VIT: variants seen among roughly 807,000 people sequenced by gnomAD.
The protein encoded by VIT is vitrin.
In VIT, 99 loss-of-function variants were observed where a neutral mutation model predicts 78.0. The ratio of observed to expected loss-of-function variants is 1.27; its 90% CI spans 1.08 to 1.50. VIT has a LOEUF of 1.50. Ranked by LOEUF, VIT falls within the 40% of genes most tolerant of loss-of-function variation. The probability of loss-of-function intolerance (pLI) is 0.00; values close to 1 mark genes in which losing one functional copy is unlikely to be tolerated. For synonymous variants in VIT, 374 were observed against 334.3 expected, an observed-to-expected ratio of 1.12 and a Z score of -1.29; for missense variants, 1,126 against 875.3, an observed-to-expected ratio of 1.29 and a Z score of -3.61.
intron 14 of VIT, among the ~76,000 whole-genome samples, chr2:36,807,914 G>T (rs1299305968): frequency 6.6e-6 from 1 of 152,180 alleles, no homozygotes; most frequent in Non-Finnish European, 1.5e-5. Flanking sequence ...ACCTTGTAGG[G>T]TGAAGGTGGG....
chr2:36,799,866 G>A (rs1200118294), intron 12 of VIT, among the ~76,000 whole-genome samples: 1 of 151,690 alleles, frequency 6.6e-6, no homozygotes, highest in East Asian at 1.9e-4. Flanking sequence ...TGGCCAACAT[G>A]GCAAAACCCC....
intron 11 of VIT, 101 bp from the exon 12 acceptor site, chr2:36,787,028 C>A (rs1665141907): frequency 4.8e-6 from 7 of 1,447,362 alleles, no homozygotes; most frequent in Non-Finnish European, 6.6e-6. Context: ...CCTTTCTTTT[C>A]ATTTCTCAGG....
At position 36,787,139 on chromosome 2, in the gene VIT, T is replaced by G. The variant is rs1665154554; in HGVS notation, c.921T>G (p.Ile307Met). ...PVSLGDPNCKIDLSFLIDGST... is the reference protein window; with the variant it reads ...PVSLGDPNCKMDLSFLIDGST... ...TTTTCCGTTCCGCAGACTGCAAAAT[T>G]GACTTGTCGTTTTTAATTGATGGGA... is the stretch of plus-strand genomic sequence containing the variant. The change falls in exon 12 of 16, where the codon ATT becomes ATG. Residue 307 changes from isoleucine (I) to methionine (M), a missense_variant. Ile to Met is a conservative substitution (Grantham distance 10). Coordinates refer to ENST00000379242, the MANE Select transcript of VIT (RefSeq NM_053276.4). 2 of 1,614,092 alleles carry G rather than the reference T, an allele frequency of 1.2e-6. No homozygotes were observed. The highest frequency in any genetic ancestry group is 3.3e-5 in the Admixed American group (2 of 60,000).
intron 15 of VIT, among the ~76,000 whole-genome samples, chr2:36,811,358 G>GCTTATTTT (rs1558598708): frequency 2.0e-5 from 3 of 152,158 alleles, no homozygotes; most frequent in Admixed American, 6.5e-5. Flanking sequence ...CTAGATGTAC[G>GCTTATTTT]TCTTTTGGGC....
chr2:36,753,882 A>C (rs1668613298), intron 4 of VIT, among the ~76,000 whole-genome samples: 1 of 152,182 alleles, frequency 6.6e-6, no homozygotes, highest in South Asian at 2.1e-4. Flanking sequence ...CTGAGGACTT[A>C]AGGTGAGTTC....
rs548850313 is a variant in VIT at position 36,795,364 on chromosome 2, T to A, written c.1059-5937T>A. Among the ~76,000 whole-genome samples the A allele has an allele frequency of 4.3e-3, 303 of 70,420 alleles. 1 individual carries two copies. In the East Asian group the frequency reaches 0.064, roughly 15 times the overall value. The allele number at this position is 70,420 out of a possible 152,430, so 46.2% of individuals were successfully genotyped here. Reference sequence around the variant, plus strand: ...TGCCTTATTTTATTTTATTTTATTTTATTTATTTTATTTTATTTTATATTT... The same window carrying A: ...TGCCTTATTTTATTTTATTTTATTTAATTTATTTTATTTTATTTTATATTT... On this transcript the variant is annotated intron_variant, in intron 12 of 15. Transcript: ENST00000379242.
chr2:36,718,798 A>T (rs1466604613), intron 2 of VIT, among the ~76,000 whole-genome samples: 1 of 152,128 alleles, frequency 6.6e-6, no homozygotes, highest in Non-Finnish European at 1.5e-5. Flanking sequence ...TGCCTCTACA[A>T]TTGCTGTATA....
chr2:36,751,069 G>A (rs1241395786), intron 4 of VIT, among the ~76,000 whole-genome samples: 1 of 152,134 alleles, frequency 6.6e-6, no homozygotes, highest in Non-Finnish European at 1.5e-5. Flanking sequence ...AGACCAGCCA[G>A]GCCAACGTGG....
intron 1 of VIT, among the ~76,000 whole-genome samples, chr2:36,706,981 G>A (rs961759245): frequency 1.3e-4 from 20 of 151,940 alleles, no homozygotes; most frequent in Admixed American, 1.2e-3. Flanking sequence ...TGAATTATAG[G>A]AATTATAATG....
chr2:36,713,430 G>C (rs1424922638), intron 1 of VIT, among the ~76,000 whole-genome samples: 1 of 152,172 alleles, frequency 6.6e-6, no homozygotes, highest in Non-Finnish European at 1.5e-5. Flanking sequence ...AAATCAAGCA[G>C]GGTCTTGAGC....
intron 5 of VIT, among the ~76,000 whole-genome samples, chr2:36,758,140 G>T (rs1410299580): frequency 1.3e-5 from 2 of 152,130 alleles, no homozygotes; most frequent in Non-Finnish European, 2.9e-5. Flanking sequence ...CCCCTACCAA[G>T]GTATTTTAAT....
At chr2:36,729,345 A>G (rs761308811) in intron 2 of VIT, 81 bp from the exon 3 acceptor site, 7 of 1,255,410 alleles carry the variant, frequency 5.6e-6, no homozygotes, top group Admixed American at 2.3e-5. Context: ...TTTGTGGATG[A>G]TCGAAGCAAG....
intron 4 of VIT, among the ~76,000 whole-genome samples, chr2:36,745,906 G>C (rs1225947411): frequency 2.6e-5 from 4 of 152,256 alleles, no homozygotes; most frequent in Non-Finnish European, 5.9e-5. Flanking sequence ...AATGCTTCCA[G>C]CTTTTGCCCA....
At chr2:36,754,822 C>T in intron 4 of VIT, 99 bp from the exon 5 acceptor site, 1 of 1,381,080 alleles carries the variant, frequency 7.2e-7, no homozygotes. Context: ...TTGCTGCTTT[C>T]CTATGTGTAA....
At chr2:36,702,285 CAG>C (rs1665111794) in intron 1 of VIT, among the ~76,000 whole-genome samples, 1 of 152,160 alleles carries the variant, frequency 6.6e-6, no homozygotes, top group Non-Finnish European at 1.5e-5. Context: ...CAAGCAGACA[CAG>C]AGCGTGCCAT....
chr2:36,801,587 C>T (rs1030104021), intron 13 of VIT, among the ~76,000 whole-genome samples, 183 bp downstream of exon 13: 12 of 152,236 alleles, frequency 7.9e-5, no homozygotes, highest in African/African-American at 2.9e-4. Flanking sequence ...GCTAGCAGAT[C>T]ACTTGAGGTC....
intron 4 of VIT, among the ~76,000 whole-genome samples, chr2:36,753,046 G>A (rs1231452108): frequency 3.3e-5 from 5 of 152,230 alleles, no homozygotes; most frequent in Admixed American, 1.3e-4. Flanking sequence ...ATGAGATCAT[G>A]TCCTTGGCAG....
At chr2:36,711,627 C>T (rs935946977) in intron 1 of VIT, among the ~76,000 whole-genome samples, 9 of 152,196 alleles carry the variant, frequency 5.9e-5, no homozygotes, top group Admixed American at 2.6e-4. Flanking sequence ...TCCCAACAAA[C>T]GTGTATCGTT....
intron 9 of VIT, among the ~76,000 whole-genome samples, chr2:36,779,242 C>A (rs1357902035): frequency 6.6e-6 from 1 of 152,170 alleles, no homozygotes; most frequent in Non-Finnish European, 1.5e-5. Context: ...TGGAGCCTGC[C>A]CGCATGGGCT....
Sources: gnomAD v4.1 joint callset for allele counts (sites outside exome capture counted in the v4.1 genomes callset) on GRCh38, gnomAD v4.1.1 for gene constraint, MANE v1.5 for transcripts, NCBI Gene and HGNC (gene_info 2026-07-23, HGNC 2026-07-21) for gene names.